The following CUX1 variants were observed in gnomAD, a reference collection of about 807,000 sequenced individuals.
The protein encoded by CUX1 is cut like homeobox 1.
Under a neutral mutation model 158.8 loss-of-function variants are expected in CUX1, and 31 were observed. The ratio of observed to expected loss-of-function variants is 0.20; its 90% CI spans 0.15 to 0.26. The LOEUF is 0.26. CUX1 is among the 10% of genes least tolerant of loss of function. CUX1 has a pLI of 1.00. For missense variants in CUX1, 1,589 were observed against 2,014.6 expected (o/e 0.79, Z 4.04); for synonymous variants, 879 against 862.1 (o/e 1.02, Z -0.34).
chr7:102,069,689 A>G (rs1366482740), intron 3 of CUX1, among the ~76,000 whole-genome samples: 1 of 152,212 alleles, frequency 6.6e-6, no homozygotes, highest in Non-Finnish European at 1.5e-5. Context: ...CAGAGGTTGC[A>G]GTGAGCTGAG....
intron 21 of CUX1, among the ~76,000 whole-genome samples, chr7:102,231,753 A>G (rs769031528): frequency 7.7e-5 from 11 of 142,720 alleles, no homozygotes; most frequent in Non-Finnish European, 1.4e-4. Context: ...TCGCTCTGTC[A>G]CCCAGGCTGG....
intron 1 of CUX1, among the ~76,000 whole-genome samples, chr7:101,828,326 C>A (rs528659904): frequency 6.6e-6 from 1 of 152,246 alleles, no homozygotes. Flanking sequence ...AGTGGCCCCA[C>A]ACAGTTCAAA....
At chr7:102,273,512 C>T (rs1225517804) in intron 15 of CUX1, 1 of 1,598,886 alleles carries the variant, frequency 6.3e-7, no homozygotes, top group East Asian at 2.2e-5. Flanking sequence ...ACCCCCCTGC[C>T]CCATGCCCAT....
At chr7:102,105,274 T>C (rs1830218822) in intron 6 of CUX1, among the ~76,000 whole-genome samples, 1 of 152,130 alleles carries the variant, frequency 6.6e-6, no homozygotes, top group Non-Finnish European at 1.5e-5. Context: ...CAGTGGGTTT[T>C]TTGGTATTGC....
chr7:102,014,552 G>A (rs1482230661), intron 2 of CUX1, among the ~76,000 whole-genome samples: 7 of 152,162 alleles, frequency 4.6e-5, no homozygotes, highest in Non-Finnish European at 8.8e-5. Context: ...CGTTAGGTCC[G>A]CTTCCTAGCC....
chr7:102,280,068 A>C, exon 19 of CUX1: 1 of 1,610,242 alleles, frequency 6.2e-7, no homozygotes, highest in East Asian at 2.2e-5. Flanking sequence ...GAGCTGCGGT[A>C]CTCGTCCCAG....
At chr7:102,034,475 C>T (rs1476076984) in intron 3 of CUX1, among the ~76,000 whole-genome samples, 1 of 152,070 alleles carries the variant, frequency 6.6e-6, no homozygotes, top group Non-Finnish European at 1.5e-5. Flanking sequence ...CAAAAACAGG[C>T]CGGGCACTGT....
In CUX1 at chr7:102,131,591, A is replaced by C. The variant is rs575138741; in HGVS notation, c.674+16318A>C. Among the ~76,000 whole-genome samples the C allele has an allele frequency of 3.3e-5, 5 of 152,056 alleles. No homozygotes were observed. In the South Asian group the frequency reaches 1.0e-3, roughly 32 times the overall value. On this transcript the variant is annotated intron_variant, in intron 8 of 23. Transcript: ENST00000292535. ...TAAATGGTAGAATAACAAGCCAACT[A>C]TGTAGAAGCCAGTAGAATCAGAGCT...
intron 15 of CUX1, among the ~76,000 whole-genome samples, chr7:102,198,568 G>A (rs1301315318): frequency 3.3e-5 from 5 of 152,228 alleles, no homozygotes; most frequent in Non-Finnish European, 5.9e-5. Context: ...CCTCAATGCC[G>A]TAGGTCGCTA....
chr7:101,981,473 A>C (rs896875469), intron 2 of CUX1, among the ~76,000 whole-genome samples: 4 of 152,164 alleles, frequency 2.6e-5, no homozygotes, highest in Non-Finnish European at 4.4e-5. Context: ...GGCCACAGAG[A>C]GTGGCCAGCC....
At chr7:102,233,306 C>T (rs1259487574) in intron 21 of CUX1, among the ~76,000 whole-genome samples, 3 of 151,570 alleles carry the variant, frequency 2.0e-5, no homozygotes, top group African/African-American at 7.3e-5. Context: ...CCATCTCAGC[C>T]TCCTAAGTAG....
chr7:102,006,317 A>C (rs1465370601), intron 2 of CUX1, among the ~76,000 whole-genome samples: 1 of 152,016 alleles, frequency 6.6e-6, no homozygotes, highest in Non-Finnish European at 1.5e-5. Context: ...TCTGCTGACC[A>C]CGCCTCAGTG....
chr7:101,825,788 TGTGTGTGTGTGCGC>T (rs775432131), intron 1 of CUX1, among the ~76,000 whole-genome samples: 2,219 of 105,148 alleles, frequency 0.021, 44 homozygotes, highest in East Asian at 0.066. Context: ...TGTGTGTGTG[TGTGTGTGTGTGCGC>T]GCGCGCGCGC....
At chr7:102,196,165 C>T (rs1242242299) in intron 14 of CUX1, among the ~76,000 whole-genome samples, 2 of 152,250 alleles carry the variant, frequency 1.3e-5, no homozygotes, top group Admixed American at 1.3e-4. Context: ...GTATTGCATT[C>T]TCAAAACGGG....
intron 8 of CUX1, among the ~76,000 whole-genome samples, chr7:102,132,205 G>T (rs1192253767): frequency 6.6e-6 from 1 of 150,808 alleles, no homozygotes; most frequent in Non-Finnish European, 1.5e-5. Flanking sequence ...TGGATGGGCG[G>T]GTGGATAGAT....
rs781814310 is a variant in CUX1 at position 102,227,349 on chromosome 7, C to G, written c.3131-18C>G. The G allele has an allele frequency of 6.3e-6, 10 of 1,588,556 alleles. No individual in the cohort carries two copies. The South Asian group carries it at 7.8e-5, about 12-fold the overall frequency. ...ACAGCTATTTTCAGGCACGGTTTCT[C>G]GTGTGCTTTAATTACAGAAAGCACT... On this transcript the variant is annotated intron_variant, in intron 20 of 23. Coordinates refer to ENST00000292535, the MANE Select transcript of CUX1 (RefSeq NM_181552.4).
At chr7:101,964,736 T>C (rs988657169) in intron 2 of CUX1, among the ~76,000 whole-genome samples, 1 of 152,172 alleles carries the variant, frequency 6.6e-6, no homozygotes, top group Non-Finnish European at 1.5e-5. Flanking sequence ...AATATTATCG[T>C]TTCAGAGTTT....
At chr7:101,859,894 T>C (rs770792189) in intron 1 of CUX1, among the ~76,000 whole-genome samples, 18 of 151,936 alleles carry the variant, frequency 1.2e-4, no homozygotes, top group Non-Finnish European at 2.5e-4. Context: ...TTTCTTTCTC[T>C]TTTCTTGGCT....
chr7:102,210,138 C>T (rs1554522756), intron 20 of CUX1, among the ~76,000 whole-genome samples: 1 of 152,090 alleles, frequency 6.6e-6, no homozygotes, highest in African/African-American at 2.4e-5. Context: ...GTTCTGTCAC[C>T]TGGGCTGGAG....
Sources: gnomAD v4.1 joint callset for allele counts (sites outside exome capture counted in the v4.1 genomes callset) on GRCh38, gnomAD v4.1.1 for gene constraint, MANE v1.5 for transcripts, NCBI Gene and HGNC (gene_info 2026-07-23, HGNC 2026-07-21) for gene names.